The following PAK2 variants were observed in gnomAD, a reference collection of about 807,000 sequenced individuals.
The protein encoded by PAK2 is p21 (RAC1) activated kinase 2.
A neutral mutation model predicts 65.9 loss-of-function variants in PAK2; 21 were observed. The ratio of observed to expected loss-of-function variants is 0.32; its 90% CI spans 0.23 to 0.46. The LOEUF (loss-of-function observed/expected upper bound fraction) is 0.46. Ranked by LOEUF, PAK2 falls within the 20% of genes least tolerant of loss-of-function variation. The probability of loss-of-function intolerance (pLI) is 1.00; values close to 1 mark genes in which losing one functional copy is unlikely to be tolerated. For missense variants in PAK2, 324 were observed against 642.6 expected (o/e 0.50, Z 5.36); for synonymous variants, 204 against 219.7 (o/e 0.93, Z 0.63).
chr3:196,779,282 A>G (rs9325377), intron 1 of PAK2, among the ~76,000 whole-genome samples: 76,480 of 152,026 alleles, frequency 0.5, 19,658 homozygotes, highest in East Asian at 0.7. Flanking sequence ...AATTTGCTCA[A>G]ATCATCCCAG....
chr3:196,805,906 A>T (rs1715569283), intron 5 of PAK2, among the ~76,000 whole-genome samples: 1 of 149,916 alleles, frequency 6.7e-6, no homozygotes, highest in Non-Finnish European at 1.5e-5. Flanking sequence ...TTATTTATTT[A>T]TTTATTTTAT....
intron 11 of PAK2, among the ~76,000 whole-genome samples, chr3:196,815,517 A>G (rs116672539): frequency 0.012 from 1,803 of 149,536 alleles, 32 homozygotes; most frequent in African/African-American, 0.041. Flanking sequence ...GGCTGGGTAC[A>G]GTGTCTCTCG....
intron 1 of PAK2, among the ~76,000 whole-genome samples, chr3:196,746,578 G>A (rs995664454): frequency 2.6e-5 from 4 of 152,076 alleles, no homozygotes; most frequent in Admixed American, 1.3e-4. Context: ...TTGGGAGGCC[G>A]AGGCAGGTGG....
Position 196,764,841 on chromosome 3 carries a change from CTT to C in PAK2, c.-21-17767_-21-17766del, listed in dbSNP as rs57199433. ...CCCCAAATTTTCTTTTCTTTTCTTT[CTT>C]TTTTTTTTTTTTTTTTTGAGACGGA... On this transcript the variant is annotated intron_variant, in intron 1 of 14. Transcript: ENST00000327134. Among the ~76,000 whole-genome samples the C allele has an allele frequency of 5.9e-4, 63 of 107,604 alleles. No homozygotes were observed. In the South Asian group the frequency reaches 9.1e-3, roughly 16 times the overall value. 70.6% of individuals were successfully genotyped at this position (107,604 alleles called of 152,430 possible).
chr3:196,780,611 A>G (rs1714676125), intron 1 of PAK2, among the ~76,000 whole-genome samples: 1 of 152,176 alleles, frequency 6.6e-6, no homozygotes, highest in South Asian at 2.1e-4. Context: ...GATGCAGCCA[A>G]ACCATATCAC....
intron 1 of PAK2, among the ~76,000 whole-genome samples, chr3:196,763,898 A>G (rs1272553057): frequency 6.6e-6 from 1 of 151,800 alleles, no homozygotes; most frequent in East Asian, 1.9e-4. Flanking sequence ...TCCTGGGTTC[A>G]TGCCATTCTC....
rs755608251 is a variant in PAK2 at position 196,820,320 on chromosome 3, T to C, written c.1154-51T>C. On this transcript the variant is annotated intron_variant, in intron 12 of 14. Coordinates refer to ENST00000327134, the MANE Select transcript of PAK2 (RefSeq NM_002577.4). The surrounding 1 kb of genome is among the most constrained non-coding windows in gnomAD (Gnocchi z 4.6). ...TTACATAATCTGAAGTGAACTCTTC[T>C]GCTAAAACCATCCATGGAAGCCATT... The C allele has an allele frequency of 2.6e-5, 28 of 1,093,068 alleles. No homozygotes were observed. Among genetic ancestry groups the C allele is most frequent in the Non-Finnish European group, 2.9e-5 (22 of 770,658 alleles). 67.7% of individuals were successfully genotyped at this position (1,093,068 alleles called of 1,614,324 possible).
In PAK2 at chr3:196,751,986, G is replaced by A. The variant is rs142009361; in HGVS notation, c.-22+11829G>A. On this transcript the variant is annotated intron_variant, in intron 1 of 14. Coordinates refer to ENST00000327134, the MANE Select transcript of PAK2 (RefSeq NM_002577.4). ...TTGAACTCTTGACCTCAGGTGTTCT[G>A]CCTGCCTCGGCCTCCCAAAGTGCTG... Among the ~76,000 whole-genome samples, 536 of 151,832 alleles carry A rather than the reference G, an allele frequency of 3.5e-3. 1 individual carries two copies. Among genetic ancestry groups the A allele is most frequent in the African/African-American group, 0.012 (513 of 41,390 alleles).
chr3:196,769,325 T>C (rs1380557585), intron 1 of PAK2, among the ~76,000 whole-genome samples: 1 of 151,854 alleles, frequency 6.6e-6, no homozygotes, highest in Non-Finnish European at 1.5e-5. Context: ...AAAAAAATAA[T>C]ATAAATAAAA....
intron 1 of PAK2, among the ~76,000 whole-genome samples, chr3:196,779,892 A>T (rs1164395010): frequency 6.6e-6 from 1 of 152,196 alleles, no homozygotes; most frequent in Non-Finnish European, 1.5e-5. Flanking sequence ...GTTGGTCTCG[A>T]ACTCATGACC....
Position 196,830,306 on chromosome 3 carries a change from C to G in PAK2, c.*1901C>G, listed in dbSNP as rs1261333689. ...CAATATAATTCTTGATTTCATTTTTCTCTGGAATATATTGGCCTTCTACAG... is the reference window on the plus strand; with the variant it reads ...CAATATAATTCTTGATTTCATTTTTGTCTGGAATATATTGGCCTTCTACAG... On this transcript the variant is annotated 3_prime_UTR_variant, in exon 15 of 15. Coordinates refer to ENST00000327134, the MANE Select transcript of PAK2 (RefSeq NM_002577.4). The G allele has an allele frequency of 6.6e-6, 1 of 152,088 alleles. No homozygotes were observed. Among genetic ancestry groups the G allele is most frequent in the Non-Finnish European group, 1.5e-5 (1 of 68,036 alleles). 9.4% of individuals were successfully genotyped at this position (152,088 alleles called of 1,614,324 possible).
At chr3:196,759,116 T>C (rs1713859244) in intron 1 of PAK2, among the ~76,000 whole-genome samples, 1 of 152,214 alleles carries the variant, frequency 6.6e-6, no homozygotes, top group African/African-American at 2.4e-5. Context: ...GTAGGAGGCA[T>C]GGCTGTGAGG....
intron 4 of PAK2, 79 bp downstream of exon 4, chr3:196,803,243 GA>G: frequency 8.6e-7 from 1 of 1,168,298 alleles, no homozygotes; most frequent in African/African-American, 1.6e-5. Context: ...CTGGAAAAAT[GA>G]AAAGCTAAAC....
At chr3:196,824,904 A>G (rs953842307) in intron 13 of PAK2, among the ~76,000 whole-genome samples, 8 of 152,150 alleles carry the variant, frequency 5.3e-5, no homozygotes, top group Non-Finnish European at 8.8e-5. Context: ...AAGTGTATCA[A>G]TATTGGTTCA....
At chr3:196,814,906 G>A (rs966587869) in intron 11 of PAK2, among the ~76,000 whole-genome samples, 9 of 152,158 alleles carry the variant, frequency 5.9e-5, no homozygotes, top group Non-Finnish European at 8.8e-5. Flanking sequence ...CAGGCTGGGC[G>A]CGGTGGCTCA....
rs1373160631 is a variant in PAK2, at chr3:196,829,064, T to G, written c.*659T>G. 2.0e-5 allele frequency: 3 copies of G among 152,852 alleles called. No individual in the cohort carries two copies. The East Asian group carries it at 5.8e-4, about 29-fold the overall frequency. The allele number at this position is 152,852 out of a possible 1,614,324, so 9.5% of individuals were successfully genotyped here. On this transcript the variant is annotated 3_prime_UTR_variant, in exon 15 of 15. Transcript: ENST00000327134. ...TTAACAAATGTGAAAAAGTCAGTTT[T>G]AGAAATTTCGTGGTAGTAAGTTCGG...
chr3:196,806,360 C>T (rs187206854), intron 5 of PAK2, among the ~76,000 whole-genome samples: 4 of 152,116 alleles, frequency 2.6e-5, no homozygotes, highest in East Asian at 1.9e-4. Context: ...ATTTGGTACT[C>T]ACCATATATA....
At chr3:196,794,589 C>G (rs764703941) in intron 2 of PAK2, among the ~76,000 whole-genome samples, 4 of 152,176 alleles carry the variant, frequency 2.6e-5, no homozygotes, top group Non-Finnish European at 5.9e-5. Context: ...TGGCAGGAGG[C>G]CTGTCCCTGC....
At chr3:196,792,209 A>AT (rs930653433) in intron 2 of PAK2, among the ~76,000 whole-genome samples, 4 of 152,204 alleles carry the variant, frequency 2.6e-5, no homozygotes, top group African/African-American at 7.2e-5. Flanking sequence ...TGCTGAGCAG[A>AT]TTTTTTTAAA....
Sources: gnomAD v4.1 joint callset for allele counts (sites outside exome capture counted in the v4.1 genomes callset) on GRCh38, gnomAD v4.1.1 for gene constraint, Gnocchi (gnomAD v3.1) non-coding constraint, MANE v1.5 for transcripts, NCBI Gene and HGNC (gene_info 2026-07-23, HGNC 2026-07-21) for gene names.